UNC79: variants seen among roughly 807,000 people sequenced by gnomAD.
UNC79 encodes protein unc-79 homolog.
Under a neutral mutation model 283.1 loss-of-function variants are expected in UNC79, and 37 were observed. The ratio of observed to expected loss-of-function variants is 0.13; its 90% confidence interval spans 0.10 to 0.17. The LOEUF (loss-of-function observed/expected upper bound fraction) is 0.17, where lower values mean the gene tolerates loss of function less well. Among genes scored for constraint, UNC79 ranks in the 10% least tolerant of loss-of-function variants. UNC79 has a pLI of 1.00. For synonymous variants in UNC79, 1,107 were observed against 1,200.2 expected, an observed-to-expected ratio of 0.92 and a Z score of 1.61; for missense variants, 2,272 against 3,211.1, an observed-to-expected ratio of 0.71 and a Z score of 7.07.
In UNC79 at chr14:93,430,905, G is replaced by A; in HGVS notation, c.-125G>A. 2 of 491,350 alleles carry A rather than the reference G, an allele frequency of 4.1e-6. No homozygotes were observed. The highest frequency in any genetic ancestry group is 3.5e-5 in the South Asian group (2 of 57,344). The allele number at this position is 491,350 out of a possible 1,614,324, so 30.4% of individuals were successfully genotyped here. On this transcript the variant is annotated 5_prime_UTR_variant, in exon 1 of 49. Coordinates refer to ENST00000555664, the Ensembl canonical transcript of UNC79. This position sits in a 1 kb window ranked among gnomAD's most constrained non-coding sequence, Gnocchi z 4.6. ...GAATGGTAGCGACACGGGCCTAAGGGAGGGGGAAAGCGAGGGGGTGGGGGG... is the reference window on the plus strand; with the variant it reads ...GAATGGTAGCGACACGGGCCTAAGGAAGGGGGAAAGCGAGGGGGTGGGGGG...
chr14:93,636,450 AC>A (rs1007492968), intron 31 of UNC79, among the ~76,000 whole-genome samples: 2 of 152,140 alleles, frequency 1.3e-5, no homozygotes, highest in Non-Finnish European at 2.9e-5. Flanking sequence ...ACTGTGTAGT[AC>A]AATGTTAGGT....
intron 7 of UNC79, among the ~76,000 whole-genome samples, chr14:93,514,022 T>C (rs1482481325): frequency 6.6e-6 from 1 of 152,234 alleles, no homozygotes; most frequent in Non-Finnish European, 1.5e-5. Flanking sequence ...TATAGTCTTC[T>C]ACTTTAGGAA....
At chr14:93,355,953 C>G (rs1442771609) in intron 1 of UNC79, among the ~76,000 whole-genome samples, 1 of 151,936 alleles carries the variant, frequency 6.6e-6, no homozygotes, top group African/African-American at 2.4e-5. Context: ...CTGCCCATCT[C>G]CTGTGTTCCC....
chr14:93,397,761 AT>A (rs35050949), intron 1 of UNC79, among the ~76,000 whole-genome samples: 123 of 139,140 alleles, frequency 8.8e-4, no homozygotes, highest in Non-Finnish European at 8.6e-4. Context: ...GGTTGGAGTC[AT>A]TTTTTTTTTT....
intron 1 of UNC79, among the ~76,000 whole-genome samples, chr14:93,378,259 T>G (rs1264906015): frequency 1.3e-5 from 2 of 152,218 alleles, no homozygotes; most frequent in East Asian, 3.8e-4. Flanking sequence ...GGGAACACAC[T>G]TGCCCAGAGA....
chr14:93,387,886 A>G (rs1404005378), intron 1 of UNC79, among the ~76,000 whole-genome samples: 2 of 152,154 alleles, frequency 1.3e-5, no homozygotes, highest in African/African-American at 4.8e-5. Context: ...TAGCTCTGAT[A>G]TTTACTTTAT....
At chr14:93,346,864 C>G (rs906972787) in intron 1 of UNC79, among the ~76,000 whole-genome samples, 3 of 151,736 alleles carry the variant, frequency 2.0e-5, no homozygotes, top group Admixed American at 6.6e-5. Flanking sequence ...GGATAGGACA[C>G]GTGGGTGGAA....
intron 1 of UNC79, chr14:93,466,907 T>C: frequency 1.0e-6 from 1 of 985,362 alleles, no homozygotes; most frequent in Non-Finnish European, 1.2e-6. Context: ...CAGGTAGGTC[T>C]AGGAGGGTAA....
At chr14:93,417,354 C>T (rs1004381393) in intron 1 of UNC79, among the ~76,000 whole-genome samples, 3 of 152,242 alleles carry the variant, frequency 2.0e-5, no homozygotes, top group Non-Finnish European at 4.4e-5. Flanking sequence ...TTGGCCCCAA[C>T]TCTCTTCTGG....
At chr14:93,424,699 T>TA (rs1465059729) in intron 1 of UNC79, among the ~76,000 whole-genome samples, 2 of 150,942 alleles carry the variant, frequency 1.3e-5, no homozygotes, top group African/African-American at 4.9e-5. Flanking sequence ...GAAGGATGGT[T>TA]AACAGAGTCA....
At chr14:93,644,088 A>G (rs1199037189) in intron 34 of UNC79, among the ~76,000 whole-genome samples, 1 of 152,198 alleles carries the variant, frequency 6.6e-6, no homozygotes, top group Non-Finnish European at 1.5e-5. Context: ...AGGCATTTGT[A>G]ATCTCAAGGA....
At chr14:93,566,732 G>A (rs1283557493) in intron 14 of UNC79, among the ~76,000 whole-genome samples, 1 of 150,878 alleles carries the variant, frequency 6.6e-6, no homozygotes, top group Non-Finnish European at 1.5e-5. Context: ...CTGCCTCCCG[G>A]GTTCAAGCGA....
At chr14:93,447,569 G>T (rs1024064191) in intron 1 of UNC79, among the ~76,000 whole-genome samples, 58 of 151,602 alleles carry the variant, frequency 3.8e-4, no homozygotes, top group African/African-American at 1.4e-3. Context: ...TACCATTTCT[G>T]GTGCTCTTTG....
chr14:93,473,981 T>C (rs2057662330), intron 2 of UNC79, 108 bp from the exon 3 acceptor site: 2 of 1,333,148 alleles, frequency 1.5e-6, no homozygotes. Flanking sequence ...TTGCATCTTA[T>C]GTGGAATGTA....
chr14:93,458,944 C>G (rs2056867395), intron 1 of UNC79, among the ~76,000 whole-genome samples: 1 of 152,126 alleles, frequency 6.6e-6, no homozygotes, highest in South Asian at 2.1e-4. Context: ...TAATGAAGTG[C>G]AAAAATTTTG....
At chr14:93,615,741 A>AAAAAAAAAAAAAAG (rs2066667756) in intron 27 of UNC79, among the ~76,000 whole-genome samples, 1 of 142,804 alleles carries the variant, frequency 7.0e-6, no homozygotes. Flanking sequence ...AAAAAAAAAA[A>AAAAAAAAAAAAAAG]AAAAGAAAAG....
intron 1 of UNC79, among the ~76,000 whole-genome samples, chr14:93,372,787 G>A (rs1042108727): frequency 2.6e-5 from 4 of 152,150 alleles, no homozygotes; most frequent in Admixed American, 6.5e-5. Context: ...GGCCATAGTT[G>A]AACTCAACAA....
chr14:93,373,990 C>T (rs922660193), intron 1 of UNC79, among the ~76,000 whole-genome samples: 4 of 152,050 alleles, frequency 2.6e-5, no homozygotes, highest in East Asian at 1.9e-4. Flanking sequence ...AAATCAAAAG[C>T]GGTGGAGGCT....
At chr14:93,477,675 T>A in exon 4 of UNC79, 3 of 1,613,590 alleles carry the variant, frequency 1.9e-6, no homozygotes, top group Non-Finnish European at 2.5e-6. Flanking sequence ...CCTCCATTTC[T>A]GCACAAGGAT....
Sources: allele counts gnomAD v4.1 joint callset (sites outside exome capture counted in the v4.1 genomes callset), GRCh38; gene constraint gnomAD v4.1.1; non-coding constraint Gnocchi (gnomAD v3.1); transcripts MANE v1.5; gene names NCBI Gene and HGNC (gene_info 2026-07-23, HGNC 2026-07-21).